The following ANKMY1 variants were observed in gnomAD, a reference collection of about 807,000 sequenced individuals.
The protein encoded by ANKMY1 is ankyrin repeat and MYND domain-containing protein 1.
In ANKMY1, 98 loss-of-function variants were observed where a neutral mutation model predicts 102.0. The ratio of observed to expected loss-of-function variants is 0.96; its 90% confidence interval spans 0.82 to 1.14. The LOEUF is 1.14. ANKMY1 is among the 50% of genes most tolerant of loss of function. ANKMY1 has a pLI of 0.00. For synonymous variants in ANKMY1, 582 were observed against 559.9 expected, an observed-to-expected ratio of 1.04 and a Z score of -0.56; for missense variants, 1,330 against 1,347.6, an observed-to-expected ratio of 0.99 and a Z score of 0.20.
chr2:240,529,141 G>T lies in ANKMY1; in HGVS notation c.849C>A (p.Ile283=). ...SSFRKELDAR[I]FLNEIPPFVE... is the part of the protein sequence containing the mutation. ...CGAACGGAGGAATTTCATTGAGGAA[G>T]ATGCGGGCGTCCAGCTCTTTGCGGA... The change falls in exon 5 of 18, where the codon ATC becomes ATA. Residue 283 remains isoleucine (I), a synonymous_variant. Coordinates refer to ENST00000401804, the MANE Select transcript of ANKMY1 (RefSeq NM_001282771.3). The surrounding 1 kb of genome is among the most constrained non-coding windows in gnomAD (Gnocchi z 4.2). The T allele has an allele frequency of 6.2e-7, 1 of 1,614,212 alleles. No individual in the cohort carries two copies. The highest frequency in any genetic ancestry group is 8.5e-7 in the Non-Finnish European group (1 of 1,180,036).
chr2:240,478,898 C>T (rs1258033676), downstream of ANKMY1, among the ~76,000 whole-genome samples: 2 of 152,142 alleles, frequency 1.3e-5, no homozygotes, highest in African/African-American at 2.4e-5. Flanking sequence ...TGGACGCTGT[C>T]CCCTTGTCTC....
rs2079073974 is a variant in ANKMY1, at chr2:240,506,370, A to G, written c.2526+1190T>C. Reference sequence around the variant, plus strand: ...CCCCTCCCAGCCCCCAGGTCCAGAAATGGTGCCGACTACCCACACACACTG... The same window carrying G: ...CCCCTCCCAGCCCCCAGGTCCAGAAGTGGTGCCGACTACCCACACACACTG... On this transcript the variant is annotated intron_variant, in intron 13 of 17. Coordinates refer to ENST00000401804, the MANE Select transcript of ANKMY1 (RefSeq NM_001282771.3). The surrounding 1 kb of genome is among the most constrained non-coding windows in gnomAD (Gnocchi z 4.9). 6.6e-6 allele frequency among the ~76,000 whole-genome samples: 1 copy of G among 152,102 alleles called. No homozygotes were observed. The highest frequency in any genetic ancestry group is 1.5e-5 in the Non-Finnish European group (1 of 68,008).
intron 1 of ANKMY1, 79 bp downstream of exon 1, chr2:240,557,802 C>T (rs1483041006): frequency 3.4e-6 from 3 of 889,612 alleles, no homozygotes; most frequent in East Asian, 1.2e-4. Context: ...GAGCCTGGCG[C>T]CCCCCCGCAC....
intron 12 of ANKMY1, 53 bp downstream of exon 12, chr2:240,509,295 C>T: frequency 1.4e-6 from 2 of 1,452,308 alleles, no homozygotes; most frequent in South Asian, 1.2e-5. Context: ...GGGGTGGGCA[C>T]TGGAGACGGA....
chr2:240,485,245 G>A lies in ANKMY1; in HGVS notation c.2807-2984C>T, dbSNP rs184575316. ...CGGGAGGCTGAGGCAGGGGAATGGCGTGAACCCGGGAGGTGGAGCTTGCAG... is the reference window on the plus strand; with the variant it reads ...CGGGAGGCTGAGGCAGGGGAATGGCATGAACCCGGGAGGTGGAGCTTGCAG... On this transcript the variant is annotated intron_variant, in intron 15 of 17. Coordinates refer to ENST00000401804, the MANE Select transcript of ANKMY1 (RefSeq NM_001282771.3). 4.9e-3 allele frequency among the ~76,000 whole-genome samples: 747 copies of A among 151,906 alleles called. 8 individuals are homozygous for A. The highest frequency in any genetic ancestry group is 0.016 in the African/African-American group (658 of 41,434).
At chr2:240,492,909 G>C (rs1033763762) in intron 15 of ANKMY1, among the ~76,000 whole-genome samples, 9 of 152,142 alleles carry the variant, frequency 5.9e-5, no homozygotes, top group Admixed American at 2.6e-4. Flanking sequence ...AGGCTGGTCT[G>C]GAACTCCTGA....
In ANKMY1 at chr2:240,526,419, T is replaced by A. The variant is rs777347461; in HGVS notation, c.980A>T (p.Asn327Ile). 1 of 1,614,190 alleles carries A rather than the reference T, an allele frequency of 6.2e-7. No individual in the cohort carries two copies. The stretch of plus-strand genomic sequence containing the variant: ...CTTCCCCTCCAGGATGGCGCCCATG[T>A]TCCAGCTGGTGTGAGCTGGCTTGTT... ...FRNKPAHTSW[N>I]MGAILEGKRS... Residue 327 changes from asparagine to isoleucine, a missense_variant, in exon 6 of 18, where the codon AAC (asparagine) becomes ATC (isoleucine). Coordinates refer to ENST00000401804, the MANE Select transcript of ANKMY1 (RefSeq NM_001282771.3).
At chr2:240,484,973 G>T (rs1453271186) in intron 15 of ANKMY1, among the ~76,000 whole-genome samples, 1 of 152,158 alleles carries the variant, frequency 6.6e-6, no homozygotes. Flanking sequence ...GGTCATTAGA[G>T]AAATGCAAAT....
chr2:240,515,722 G>C (rs922049890), intron 9 of ANKMY1, among the ~76,000 whole-genome samples: 4 of 151,808 alleles, frequency 2.6e-5, no homozygotes, highest in Non-Finnish European at 5.9e-5. Context: ...ATTAATAAAA[G>C]ATAATTTTTT....
chr2:240,560,368 C>G, upstream of ANKMY1: 1 of 247,650 alleles, frequency 4.0e-6, no homozygotes, highest in East Asian at 7.5e-5. Context: ...CAGACGCAAG[C>G]CCAGTGCCAC....
At position 240,520,545 on chromosome 2, in the gene ANKMY1, G is replaced by T. The variant is rs760759056; in HGVS notation, c.1833-12C>A. 17 of 1,606,550 alleles carry T rather than the reference G, an allele frequency of 1.1e-5. No homozygotes were observed. The Admixed American group carries it at 2.9e-4, about 27-fold the overall frequency. On this transcript the variant is annotated splice_polypyrimidine_tract_variant and intron_variant, in intron 8 of 17. Transcript: ENST00000401804. The surrounding 1 kb of genome is among the most constrained non-coding windows in gnomAD (Gnocchi z 4.8). ...AGCGCTTCCTCCGCCTGAAAAAGAC[G>T]GTGCGCCCGTGGGCCCCTGGAGGGC...
chr2:240,545,434 A>G (rs1395903686), intron 4 of ANKMY1, among the ~76,000 whole-genome samples: 2 of 152,156 alleles, frequency 1.3e-5, no homozygotes, highest in African/African-American at 4.8e-5. Context: ...AAAACTGGAA[A>G]CTCTAAAAAG....
chr2:240,495,388 G>A (rs1240028271), intron 15 of ANKMY1, among the ~76,000 whole-genome samples: 1 of 152,326 alleles, frequency 6.6e-6, no homozygotes, highest in African/African-American at 2.4e-5. Flanking sequence ...TGCTTCAGTG[G>A]TCACGCTCCT....
Position 240,479,659 on chromosome 2 carries a change from G to A in ANKMY1, c.3047-4C>T. 6.2e-7 allele frequency: 1 copy of A among 1,613,462 alleles called. No individual in the cohort carries two copies. The highest frequency in any genetic ancestry group is 8.5e-7 in the Non-Finnish European group (1 of 1,179,950). Reference sequence around the variant, plus strand: ...GAAACTTGCTCCAGTTGTGTCACTGGAGGAGGAAAAGGTGTGGGGGAGGGG... The same window carrying A: ...GAAACTTGCTCCAGTTGTGTCACTGAAGGAGGAAAAGGTGTGGGGGAGGGG... On this transcript the variant is annotated splice_region_variant and splice_polypyrimidine_tract_variant and intron_variant, in intron 17 of 17. Transcript: ENST00000401804.
chr2:240,480,271 G>C (rs373909416), intron 17 of ANKMY1, among the ~76,000 whole-genome samples: 8 of 152,212 alleles, frequency 5.3e-5, no homozygotes, highest in African/African-American at 1.9e-4. Context: ...GCCTAAGGGG[G>C]CAGGGGCTTT....
chr2:240,520,210 C>T lies in ANKMY1; in HGVS notation c.2004+152G>A, dbSNP rs772530678. ...GTGAAAGAGCGGGCTGTGGGACCCC[C>T]CACTGCGGCGCGCCGTCATCACTCA... On this transcript the variant is annotated intron_variant, in intron 9 of 17. Transcript: ENST00000401804. The surrounding 1 kb of genome is among the most constrained non-coding windows in gnomAD (Gnocchi z 4.8). 1.6e-4 allele frequency: 183 copies of T among 1,162,190 alleles called. No homozygotes were observed. The highest frequency in any genetic ancestry group is 8.9e-5 in the Non-Finnish European group (71 of 794,660). 72.0% of individuals were successfully genotyped at this position (1,162,190 alleles called of 1,614,324 possible).
chr2:240,557,151 G>A, intron 2 of ANKMY1, 39 bp downstream of exon 2: 1 of 1,416,194 alleles, frequency 7.1e-7, no homozygotes, highest in African/African-American at 1.5e-5. Context: ...CTGGGCCCCA[G>A]GTCAGGGTCG....
upstream of ANKMY1, chr2:240,560,779 G>A (rs758023880): frequency 9.6e-6 from 14 of 1,460,316 alleles, no homozygotes; most frequent in Admixed American, 3.4e-4. Context: ...GGGAGCGCGC[G>A]AGCCGCGGGC....
chr2:240,516,880 C>T (rs4676432), intron 9 of ANKMY1, among the ~76,000 whole-genome samples: 117,515 of 152,236 alleles, frequency 0.77, 45,766 homozygotes, highest in East Asian at 0.89. Context: ...AACGGAGGAC[C>T]GAAATAATTG....
Sources: gnomAD v4.1 joint callset for allele counts (sites outside exome capture counted in the v4.1 genomes callset) on GRCh38, gnomAD v4.1.1 for gene constraint, Gnocchi (gnomAD v3.1) non-coding constraint, MANE v1.5 for transcripts, NCBI Gene and HGNC (gene_info 2026-07-23, HGNC 2026-07-21) for gene names.